Variants in CREBBP observed in about 807,000 individuals in gnomAD.
CREBBP encodes the protein CREB-binding protein.
Under a neutral mutation model 265.0 loss-of-function variants are expected in CREBBP, and 19 were observed. That is an observed-to-expected ratio of 0.07 (90% confidence interval 0.05 to 0.11). The LOEUF is 0.11. Among genes scored for constraint, CREBBP ranks in the 10% least tolerant of loss-of-function variants. CREBBP has a pLI of 1.00. For synonymous variants in CREBBP, 1,457 were observed against 1,223.7 expected (o/e 1.19, Z -3.98); for missense variants, 2,525 against 3,219.0 (o/e 0.78, Z 5.22).
chr16:3,772,648 G>A (rs975667570), intron 13 of CREBBP, among the ~76,000 whole-genome samples: 5 of 152,010 alleles, frequency 3.3e-5, no homozygotes, highest in African/African-American at 9.7e-5. Context: ...TTTAGTATCT[G>A]GCCCTTTACA....
At chr16:3,757,527 G>T in intron 18 of CREBBP, 151 bp from the exon 19 acceptor site, 1 of 866,358 alleles carries the variant, frequency 1.2e-6, no homozygotes, top group Non-Finnish European at 1.8e-6. Flanking sequence ...AGACATTTTG[G>T]GATAGCATGT....
intron 3 of CREBBP, among the ~76,000 whole-genome samples, chr16:3,806,619 T>A (rs976067716): frequency 6.6e-6 from 1 of 151,960 alleles, no homozygotes; most frequent in Non-Finnish European, 1.5e-5. Context: ...GAAAGCCCAA[T>A]CCAAAGCTTA....
intron 2 of CREBBP, among the ~76,000 whole-genome samples, chr16:3,847,962 A>G (rs2054702771): frequency 6.6e-6 from 1 of 152,202 alleles, no homozygotes; most frequent in Non-Finnish European, 1.5e-5. Flanking sequence ...TGAGGTCAGG[A>G]GTTCGAGACC....
rs2141183272 is a variant in CREBBP, at chr16:3,767,864, T to C, written c.3106A>G (p.Thr1036Ala). The C allele has an allele frequency of 3.1e-6, 5 of 1,614,214 alleles. No individual in the cohort carries two copies. The highest frequency in any genetic ancestry group is 3.4e-6 in the Non-Finnish European group (4 of 1,180,040). ...LQGASQVKEE[T>A]DIAEQKSEPM... Reference sequence around the variant, plus strand: ...TCTGATTTCTGCTCTGCTATGTCTGTTTCTTCTTTAACTTGGGAAGCTCCT... The same window carrying C: ...TCTGATTTCTGCTCTGCTATGTCTGCTTCTTCTTTAACTTGGGAAGCTCCT... The change falls in exon 16 of 31, where the codon ACA (threonine) becomes GCA (alanine). Residue 1036 changes from threonine (T) to alanine (A), a missense_variant. Thr to Ala is a moderately conservative substitution (Grantham distance 58). Around this residue, in one of 19 missense-constraint regions of CREBBP, gnomAD observed 548 missense variants for 533.0 expected, o/e 1.03. Transcript: ENST00000262367.
At chr16:3,756,601 G>A (rs1451976196) in intron 19 of CREBBP, among the ~76,000 whole-genome samples, 1 of 152,146 alleles carries the variant, frequency 6.6e-6, no homozygotes, top group East Asian at 1.9e-4. Flanking sequence ...TCACATTCTT[G>A]AACTCAATTA....
chr16:3,810,838 C>A (rs374143602), intron 2 of CREBBP, 59 bp from the exon 3 acceptor site: 100 of 1,553,394 alleles, frequency 6.4e-5, no homozygotes, highest in Non-Finnish European at 8.2e-5. Flanking sequence ...AAAGGAAGGG[C>A]CTGGGAAATG....
At chr16:3,830,134 T>G (rs2054313868) in intron 2 of CREBBP, among the ~76,000 whole-genome samples, 1 of 152,184 alleles carries the variant, frequency 6.6e-6, no homozygotes, top group Non-Finnish European at 1.5e-5. Context: ...TGGTGACTCA[T>G]GCCTGTAATC....
At chr16:3,878,739 C>A (rs772503462) in intron 1 of CREBBP, among the ~76,000 whole-genome samples, 3 of 152,200 alleles carry the variant, frequency 2.0e-5, no homozygotes, top group Non-Finnish European at 2.9e-5. Flanking sequence ...TGCAAGACTA[C>A]TGGAGAAATG....
At chr16:3,802,268 C>T (rs1354693334) in intron 3 of CREBBP, among the ~76,000 whole-genome samples, 1 of 151,216 alleles carries the variant, frequency 6.6e-6, no homozygotes, top group Non-Finnish European at 1.5e-5. Context: ...AGTAGCTGGA[C>T]TTACAGACGT....
intron 5 of CREBBP, among the ~76,000 whole-genome samples, chr16:3,788,249 C>T (rs956915452): frequency 8.5e-5 from 13 of 152,210 alleles, no homozygotes; most frequent in African/African-American, 3.1e-4. Context: ...ACCTGGTCTT[C>T]CAAGGCATCC....
At chr16:3,772,009 A>G (rs1051811374) in intron 13 of CREBBP, among the ~76,000 whole-genome samples, 2 of 151,880 alleles carry the variant, frequency 1.3e-5, no homozygotes, top group African/African-American at 4.8e-5. Context: ...GTTTATTCCC[A>G]GAATTTCCCA....
At chr16:3,807,601 G>A (rs1166776068) in intron 3 of CREBBP, among the ~76,000 whole-genome samples, 1 of 152,152 alleles carries the variant, frequency 6.6e-6, no homozygotes, top group Admixed American at 6.5e-5. Context: ...GCTCAGGGCT[G>A]CAAAAACATG....
In CREBBP at chr16:3,726,119, C is replaced by T. The variant is rs2051736080; in HGVS notation, c.*1599G>A. 4.3e-6 allele frequency: 1 copy of T among 233,126 alleles called. No homozygotes were observed. The allele number at this position is 233,126 out of a possible 1,614,324, so 14.4% of individuals were successfully genotyped here. Reference sequence around the variant, plus strand: ...CTGGTGCTCCAAGGTGTCTGTCCCTCAGCATTTCCTCAAACGCCACACGGG... The same window carrying T: ...CTGGTGCTCCAAGGTGTCTGTCCCTTAGCATTTCCTCAAACGCCACACGGG... On this transcript the variant is annotated 3_prime_UTR_variant, in exon 31 of 31. Coordinates refer to ENST00000262367, the MANE Select transcript of CREBBP (RefSeq NM_004380.3).
chr16:3,795,325 A>G (rs1454016731), intron 3 of CREBBP, among the ~76,000 whole-genome samples: 2 of 152,250 alleles, frequency 1.3e-5, no homozygotes, highest in Non-Finnish European at 2.9e-5. Flanking sequence ...AATAATTAAC[A>G]ACAATTAAAA....
intron 2 of CREBBP, among the ~76,000 whole-genome samples, chr16:3,819,131 A>G (rs1324882992): frequency 6.6e-6 from 1 of 152,204 alleles, no homozygotes; most frequent in African/African-American, 2.4e-5. Flanking sequence ...TTCTGAAAAA[A>G]CCAAATTTTT....
At chr16:3,762,687 C>T (rs546674588) in intron 16 of CREBBP, among the ~76,000 whole-genome samples, 45 of 152,252 alleles carry the variant, frequency 3.0e-4, no homozygotes, top group Admixed American at 5.9e-4. Context: ...TGTCTCATAT[C>T]GCAGTCCCCA....
In CREBBP at chr16:3,725,714, A is replaced by C. The variant is rs1485862328; in HGVS notation, c.*2004T>G. The C allele has an allele frequency of 1.3e-5, 3 of 233,188 alleles. No homozygotes were observed. Among genetic ancestry groups the C allele is most frequent in the Non-Finnish European group, 2.5e-5 (3 of 118,072 alleles). 14.4% of individuals were successfully genotyped at this position (233,188 alleles called of 1,614,324 possible). Reference sequence around the variant, plus strand: ...TGCTAAAACTAGATCGGACCTTTCCAACTTCTTAGAAAGGTTCCTCGAATT... The same window carrying C: ...TGCTAAAACTAGATCGGACCTTTCCCACTTCTTAGAAAGGTTCCTCGAATT... On this transcript the variant is annotated 3_prime_UTR_variant, in exon 31 of 31. Coordinates refer to ENST00000262367, the MANE Select transcript of CREBBP (RefSeq NM_004380.3).
intron 3 of CREBBP, among the ~76,000 whole-genome samples, chr16:3,807,878 C>A (rs766819261): frequency 1.3e-5 from 2 of 152,174 alleles, no homozygotes; most frequent in Non-Finnish European, 2.9e-5. Flanking sequence ...GGTCAGGCTG[C>A]CTCACAAAGG....
At position 3,757,319 on chromosome 16, in the gene CREBBP, G is replaced by A. The variant is rs1306274833; in HGVS notation, c.3667C>T (p.Arg1223Cys). Residue 1223 changes from arginine to cysteine, a missense_variant, in exon 19 of 31, where the codon CGC becomes TGC. Physicochemically the swap from Arg to Cys is radical, Grantham distance 180. Around this residue, in one of 19 missense-constraint regions of CREBBP, gnomAD observed 252 missense variants for 452.5 expected, o/e 0.56. Coordinates refer to ENST00000262367, the MANE Select transcript of CREBBP (RefSeq NM_004380.3). ...CYGKQLCTIP[R>C]DAAYYSYQNR... ...TGATAGCTGTAGTAGGCAGCATCGCGAGGAATGGTACACAGCTGCTTCCCA... is the reference window on the plus strand; with the variant it reads ...TGATAGCTGTAGTAGGCAGCATCGCAAGGAATGGTACACAGCTGCTTCCCA... The A allele has an allele frequency of 1.2e-6, 2 of 1,613,750 alleles. No individual in the cohort carries two copies. Among genetic ancestry groups the A allele is most frequent in the Non-Finnish European group, 1.7e-6 (2 of 1,179,890 alleles).
Sources: gnomAD v4.1 joint callset for allele counts (sites outside exome capture counted in the v4.1 genomes callset) on GRCh38, gnomAD v4.1.1 for gene constraint, gnomAD v4.1.1 regional missense constraint, MANE v1.5 for transcripts, NCBI Gene and HGNC (gene_info 2026-07-23, HGNC 2026-07-21) for gene names.